Variants in RNLS observed in about 807,000 individuals in gnomAD.
RNLS encodes the protein renalase.
A neutral mutation model predicts 39.8 loss-of-function variants in RNLS; 39 were observed. The ratio of observed to expected loss-of-function variants is 0.98; its 90% CI spans 0.76 to 1.28. The LOEUF (loss-of-function observed/expected upper bound fraction) is 1.28. RNLS is among the 50% of genes most tolerant of loss of function. The pLI is 0.00. For missense variants in RNLS, 410 were observed against 413.3 expected (o/e 0.99, Z 0.07); for synonymous variants, 147 against 150.7 (o/e 0.98, Z 0.18).
chr10:88,383,582 T>A (rs1851680648), intron 4 of RNLS, among the ~76,000 whole-genome samples: 1 of 152,174 alleles, frequency 6.6e-6, no homozygotes, highest in Non-Finnish European at 1.5e-5. Flanking sequence ...GCAGTGGATT[T>A]TTTTGGACTT....
intron 4 of RNLS, among the ~76,000 whole-genome samples, chr10:88,562,536 G>T (rs1233784367): frequency 6.6e-6 from 1 of 152,106 alleles, no homozygotes; most frequent in East Asian, 1.9e-4. Context: ...GGAAAGGAGG[G>T]CAGGGCCAGG....
chr10:88,492,872 CATG>C (rs1391876463), intron 4 of RNLS, among the ~76,000 whole-genome samples: 7 of 152,120 alleles, frequency 4.6e-5, no homozygotes, highest in African/African-American at 1.7e-4. Context: ...AACTTAGAGA[CATG>C]ATATGTTTTC....
chr10:88,335,048 T>C (rs1847383985), intron 5 of RNLS, among the ~76,000 whole-genome samples: 1 of 152,172 alleles, frequency 6.6e-6, no homozygotes, highest in South Asian at 2.1e-4. Flanking sequence ...TTCAAATTCT[T>C]CCTAAAATTT....
At chr10:88,352,383 T>G (rs1848783627) in intron 5 of RNLS, among the ~76,000 whole-genome samples, 1 of 152,208 alleles carries the variant, frequency 6.6e-6, no homozygotes, top group African/African-American at 2.4e-5. Flanking sequence ...CATCAATACA[T>G]AATTTATTGA....
chr10:88,478,316 A>G (rs1239232448), intron 4 of RNLS, among the ~76,000 whole-genome samples: 2 of 152,056 alleles, frequency 1.3e-5, no homozygotes, highest in African/African-American at 4.8e-5. Context: ...TTAGTATCTG[A>G]TATTTGGTAA....
the RNLS span, among the ~76,000 whole-genome samples, chr10:88,176,609 T>A: frequency 3.2e-4 from 48 of 152,338 alleles, no homozygotes; most frequent in Admixed American, 6.5e-4. Context: ...CTCCTATTGT[T>A]TATCTTTGTG....
At chr10:88,490,699 A>G (rs1844825354) in intron 4 of RNLS, among the ~76,000 whole-genome samples, 1 of 152,182 alleles carries the variant, frequency 6.6e-6, no homozygotes, top group Admixed American at 6.5e-5. Context: ...CTTCTCACCT[A>G]AAACAGGGAT....
At chr10:88,228,963 C>T in the RNLS span, among the ~76,000 whole-genome samples, 1 of 152,166 alleles carries the variant, frequency 6.6e-6, no homozygotes, top group African/African-American at 2.4e-5. Context: ...TCTATGTCCT[C>T]ACCCTTGGGC....
chr10:88,419,817 C>T (rs1854281374), intron 4 of RNLS, among the ~76,000 whole-genome samples: 1 of 151,770 alleles, frequency 6.6e-6, no homozygotes, highest in South Asian at 2.1e-4. Context: ...CCAGCTTGGC[C>T]AGCATGGTGA....
At chr10:88,222,523 T>C in the RNLS span, among the ~76,000 whole-genome samples, 1 of 152,160 alleles carries the variant, frequency 6.6e-6, no homozygotes, top group Non-Finnish European at 1.5e-5. Context: ...AATAATAATA[T>C]ACCTTAGGGG....
rs547292496 is a variant in RNLS, at chr10:88,393,202, C to A, written c.527-30477G>T. On this transcript the variant is annotated intron_variant, in intron 4 of 6. Coordinates refer to ENST00000331772, the MANE Select transcript of RNLS (RefSeq NM_001031709.3). Reference sequence around the variant, plus strand: ...GGAAGTTCTGGCCAGGGCAATCAGGCAGGAGAAAGAAATAAAGGGTATTCA... The same window carrying A: ...GGAAGTTCTGGCCAGGGCAATCAGGAAGGAGAAAGAAATAAAGGGTATTCA... Among the ~76,000 whole-genome samples the A allele has an allele frequency of 2.6e-5, 4 of 152,114 alleles. No individual in the cohort carries two copies. The South Asian group carries it at 8.3e-4, about 32-fold the overall frequency.
intron 4 of RNLS, among the ~76,000 whole-genome samples, chr10:88,524,385 T>C (rs1267645498): frequency 6.6e-6 from 1 of 152,140 alleles, no homozygotes; most frequent in Non-Finnish European, 1.5e-5. Context: ...CAGTATGGTA[T>C]AGTATATAGT....
intron 6 of RNLS, 152 bp from the exon 7 acceptor site, chr10:88,285,658 C>T (rs1475381243): frequency 1.5e-6 from 1 of 648,692 alleles, no homozygotes; most frequent in Admixed American, 2.9e-5. Context: ...ACACAAGAAA[C>T]AAAAAACAAA....
intron 4 of RNLS, among the ~76,000 whole-genome samples, chr10:88,561,418 C>T (rs76497488): frequency 0.016 from 2,407 of 152,064 alleles, 100 homozygotes; most frequent in Admixed American, 0.092. Flanking sequence ...ATTTAACATA[C>T]GGCAAATGAG....
chr10:88,323,486 A>G (rs1468166914), intron 5 of RNLS, among the ~76,000 whole-genome samples: 1 of 152,200 alleles, frequency 6.6e-6, no homozygotes, highest in African/African-American at 2.4e-5. Context: ...AAAGTCAATA[A>G]AAACAAACAA....
In RNLS at chr10:88,507,013, G is replaced by A. The variant is rs11202758; in HGVS notation, c.526+65890C>T. Among the ~76,000 whole-genome samples the A allele has an allele frequency of 1.9e-4, 28 of 145,114 alleles. No individual in the cohort carries two copies. The East Asian group carries it at 3.2e-3, about 16-fold the overall frequency. ...GTTTTCCCTTCACTACAGAGGAAATGCAGAGAGTCAATAACATCATCAACC... is the reference window on the plus strand; with the variant it reads ...GTTTTCCCTTCACTACAGAGGAAATACAGAGAGTCAATAACATCATCAACC... On this transcript the variant is annotated intron_variant, in intron 4 of 6. Transcript: ENST00000331772.
intron 6 of RNLS, among the ~76,000 whole-genome samples, 178 bp from the exon 7 acceptor site, chr10:88,285,684 C>T (rs760755964): frequency 1.1e-4 from 16 of 152,130 alleles, no homozygotes; most frequent in East Asian, 3.9e-4. Context: ...ACTCACTAAA[C>T]GCCCCTCAAC....
rs1009621411 is a variant in RNLS, at chr10:88,573,199, C to T, written c.368-138G>A. On this transcript the variant is annotated intron_variant, in intron 3 of 6. Transcript: ENST00000331772. ...CTTCTACTGTCCTCCAGCTCTCTTC[C>T]TTTACTTTCTTTCTAATTTAGTGGG... 7 of 707,162 alleles carry T rather than the reference C, an allele frequency of 9.9e-6. No individual in the cohort carries two copies. The African/African-American group carries it at 1.3e-4, about 13-fold the overall frequency. The allele number at this position is 707,162 out of a possible 1,614,324, so 43.8% of individuals were successfully genotyped here.
chr10:88,579,734 T>C (rs1045533634), intron 3 of RNLS, among the ~76,000 whole-genome samples: 2 of 152,176 alleles, frequency 1.3e-5, no homozygotes, highest in African/African-American at 2.4e-5. Context: ...AAACGTCCAA[T>C]AGTGTCACCA....
Sources: allele counts gnomAD v4.1 joint callset (sites outside exome capture counted in the v4.1 genomes callset), GRCh38; gene constraint gnomAD v4.1.1; transcripts MANE v1.5; gene names NCBI Gene and HGNC (gene_info 2026-07-23, HGNC 2026-07-21).